Variants in ANXA9 observed in about 807,000 individuals in gnomAD.
The protein encoded by ANXA9 is annexin A9.
Under a neutral mutation model 51.8 loss-of-function variants are expected in ANXA9, and 47 were observed. That is an observed-to-expected ratio of 0.91 (90% CI 0.72 to 1.16). ANXA9 has a LOEUF of 1.16. ANXA9 is among the 50% of genes most tolerant of loss of function. The probability of loss-of-function intolerance (pLI) is 0.00; values close to 1 mark genes in which losing one functional copy is unlikely to be tolerated. For synonymous variants in ANXA9, 154 were observed against 168.7 expected, an observed-to-expected ratio of 0.91 and a Z score of 0.68; for missense variants, 361 against 424.7, an observed-to-expected ratio of 0.85 and a Z score of 1.32.
chr1:150,987,982 T>A, intron 10 of ANXA9, 26 bp downstream of exon 10: 1 of 1,613,828 alleles, frequency 6.2e-7, no homozygotes, highest in Non-Finnish European at 8.5e-7. Context: ...CTTGTCCCCC[T>A]AGCTTGCTCT....
Position 150,994,609 on chromosome 1 carries a change from C to T in ANXA9, c.885C>T (p.Arg295=). The T allele has an allele frequency of 6.2e-7, 1 of 1,614,066 alleles. No individual in the cohort carries two copies. Residue 295 remains arginine, a synonymous_variant, in exon 13 of 14, where the codon CGC becomes CGT. Coordinates refer to ENST00000368947, the MANE Select transcript of ANXA9 (RefSeq NM_003568.3). ...AGCCCAATTACCAAGTCCTGATTCG[C>T]ATCCTTATCTCTCGATGTGAGACTG... is the stretch of plus-strand genomic sequence containing the variant. ...ETEPNYQVLI[R]ILISRCETDL...
At chr1:150,987,057 T>TA (rs1249470857) in intron 9 of ANXA9, among the ~76,000 whole-genome samples, 5 of 151,770 alleles carry the variant, frequency 3.3e-5, no homozygotes, top group African/African-American at 7.3e-5. Flanking sequence ...AAACATAAGA[T>TA]AAAAAAACAT....
At chr1:150,979,620 C>T (rs774850171), upstream of ANXA9, among the ~76,000 whole-genome samples, 2 of 152,140 alleles carry the variant, frequency 1.3e-5, no homozygotes, top group African/African-American at 2.4e-5. Context: ...GGGGCTGGAG[C>T]CAGAGACCTC....
chr1:150,990,552 A>G (rs947367618), intron 12 of ANXA9, among the ~76,000 whole-genome samples: 1 of 152,154 alleles, frequency 6.6e-6, no homozygotes, highest in Non-Finnish European at 1.5e-5. Flanking sequence ...TGTTTCTAAA[A>G]AGGAAAAACT....
At chr1:150,979,850 C>T (rs1178093389), upstream of ANXA9, among the ~76,000 whole-genome samples, 1 of 152,236 alleles carries the variant, frequency 6.6e-6, no homozygotes, top group African/African-American at 2.4e-5. Flanking sequence ...CAGAACTCTT[C>T]TAAGTGCTTT....
At position 150,983,409 on chromosome 1, in the gene ANXA9, G is replaced by A. The variant is rs1359986720; in HGVS notation, c.147G>A (p.Arg49=). ...LNFSVDKDAQ[R]LLRAITGQGV... is the part of the protein sequence containing the mutation. ...TCAGCGTGGACAAGGATGCGCAGAGGCTACTGAGGGCCATTACTGGCCAAG... is the reference window on the plus strand; with the variant it reads ...TCAGCGTGGACAAGGATGCGCAGAGACTACTGAGGGCCATTACTGGCCAAG... The change falls in exon 4 of 14, where the codon AGG becomes AGA. Residue 49 remains arginine, a synonymous_variant. Coordinates refer to ENST00000368947, the MANE Select transcript of ANXA9 (RefSeq NM_003568.3). 2 of 1,613,128 alleles carry A rather than the reference G, an allele frequency of 1.2e-6. No individual in the cohort carries two copies. Among genetic ancestry groups the A allele is most frequent in the Non-Finnish European group, 1.7e-6 (2 of 1,179,590 alleles).
At chr1:150,995,028 G>A (rs1306873252) in intron 13 of ANXA9, among the ~76,000 whole-genome samples, 1 of 152,246 alleles carries the variant, frequency 6.6e-6, no homozygotes, top group Non-Finnish European at 1.5e-5. Context: ...GAAGGCAGAG[G>A]TTGCAGTGAG....
At position 150,995,384 on chromosome 1, in the gene ANXA9, C is replaced by G; in HGVS notation, c.*62C>G. The stretch of plus-strand genomic sequence containing the variant: ...CTGAGATTTCCGTGTTTGGCTGAAC[C>G]TGGGAGACCAGCTGGGCCTCCAAGT... On this transcript the variant is annotated 3_prime_UTR_variant, in exon 14 of 14. Transcript: ENST00000368947. 1 of 1,513,144 alleles carries G rather than the reference C, an allele frequency of 6.6e-7. No individual in the cohort carries two copies. The highest frequency in any genetic ancestry group is 9.0e-7 in the Non-Finnish European group (1 of 1,115,444). 93.7% of individuals were successfully genotyped at this position (1,513,144 alleles called of 1,614,324 possible).
intron 12 of ANXA9, among the ~76,000 whole-genome samples, chr1:150,991,172 A>G (rs1427167239): frequency 7.3e-5 from 11 of 151,228 alleles, no homozygotes. Context: ...ATAAATAAAT[A>G]AACAAATATA....
intron 9 of ANXA9, 124 bp downstream of exon 9, chr1:150,986,785 G>A (rs1465008668): frequency 2.1e-6 from 2 of 957,744 alleles, no homozygotes; most frequent in Admixed American, 2.8e-5. Flanking sequence ...CCTTGGAGAG[G>A]GAGTTCTCAG....
chr1:150,987,977 C>T lies in ANXA9; in HGVS notation c.697+21C>T, dbSNP rs369081088. 14 of 1,613,864 alleles carry T rather than the reference C, an allele frequency of 8.7e-6. No individual in the cohort carries two copies. In the African/African-American group the frequency reaches 1.3e-4, roughly 15 times the overall value. ...CCGAGGTACACACAAGCCTTCTTGT[C>T]CCCCTAGCTTGCTCTAATGATCAGT... is the stretch of plus-strand genomic sequence containing the variant. On this transcript the variant is annotated intron_variant, in intron 10 of 13. Transcript: ENST00000368947.
rs983307603 is a variant in ANXA9 at position 150,982,725 on chromosome 1, C to T, written c.-17+142C>T. 5.0e-5 allele frequency: 10 copies of T among 199,914 alleles called. 1 individual carries two copies. Among genetic ancestry groups the T allele is most frequent in the Middle Eastern group, 2.0e-3 (1 of 506 alleles). 12.4% of individuals were successfully genotyped at this position (199,914 alleles called of 1,614,324 possible). A position where few individuals can be genotyped will look rare whatever the true frequency, so the allele number is the denominator to read the frequency against. ...CAGCTCCCCTGCACTGCCCAGGAGA[C>T]CCCAGCCAGGCCCAGGAAGGAGGGC... On this transcript the variant is annotated intron_variant, in intron 2 of 13. Transcript: ENST00000368947.
intron 9 of ANXA9, 107 bp from the exon 10 acceptor site, chr1:150,987,765 C>T: frequency 1.1e-6 from 1 of 907,158 alleles, no homozygotes; most frequent in South Asian, 1.7e-5. Context: ...CCCTCAATCC[C>T]ATTTCCATCA....
At chr1:150,993,272 T>C (rs1470567921) in intron 12 of ANXA9, among the ~76,000 whole-genome samples, 1 of 152,184 alleles carries the variant, frequency 6.6e-6, no homozygotes, top group African/African-American at 2.4e-5. Context: ...TAATCAATTA[T>C]AATTCAGGAT....
rs933051281 is a variant in ANXA9, at chr1:150,984,087, T to C, written c.267+18T>C. 24 of 1,604,894 alleles carry C rather than the reference T, an allele frequency of 1.5e-5. No individual in the cohort carries two copies. Among genetic ancestry groups the C allele is most frequent in the Non-Finnish European group, 2.0e-5 (23 of 1,176,640 alleles). On this transcript the variant is annotated intron_variant, in intron 5 of 13. Transcript: ENST00000368947. ...CCCAACAGGTGAGGCCATGCTGACCTCCCACAGCAGTGGACTGGGGTGAGA... is the reference window on the plus strand; with the variant it reads ...CCCAACAGGTGAGGCCATGCTGACCCCCCACAGCAGTGGACTGGGGTGAGA...
At chr1:150,980,704 C>T (rs587728282), upstream of ANXA9, among the ~76,000 whole-genome samples, 452 of 151,186 alleles carry the variant, frequency 3.0e-3, 3 homozygotes, top group Admixed American at 0.025. Context: ...CTCAGCCTCC[C>T]GAGTAGCTGG....
intron 12 of ANXA9, among the ~76,000 whole-genome samples, chr1:150,992,158 A>G (rs951956261): frequency 2.0e-5 from 3 of 152,282 alleles, no homozygotes; most frequent in African/African-American, 7.2e-5. Flanking sequence ...GAAAATCAGC[A>G]ATGGCTGATT....
At chr1:150,994,768 C>A in intron 13 of ANXA9, 69 bp downstream of exon 13, 1 of 1,591,500 alleles carries the variant, frequency 6.3e-7, no homozygotes, top group Non-Finnish European at 8.6e-7. Context: ...TCACTCCCTG[C>A]ACACAGCTGA....
intron 11 of ANXA9, 29 bp downstream of exon 11, chr1:150,988,215 A>T (rs753893020): frequency 1.9e-6 from 3 of 1,614,110 alleles, no homozygotes; most frequent in African/African-American, 1.3e-5. Flanking sequence ...TTTGTGAAGT[A>T]AGTCTCTCTT....
Sources: gnomAD v4.1 joint callset for allele counts (sites outside exome capture counted in the v4.1 genomes callset) on GRCh38, gnomAD v4.1.1 for gene constraint, MANE v1.5 for transcripts, NCBI Gene and HGNC (gene_info 2026-07-23, HGNC 2026-07-21) for gene names.